TG: variants seen among roughly 807,000 people sequenced by gnomAD.
The protein encoded by TG is thyroid hormones.
In TG, 270 loss-of-function variants were observed where a neutral mutation model predicts 324.7. The observed-to-expected ratio is 0.83, with a 90% CI of 0.75 to 0.92. The LOEUF (loss-of-function observed/expected upper bound fraction) is 0.92. TG is among the 40% of genes least tolerant of loss of function. TG has a pLI of 0.00. For missense variants in TG, 3,591 were observed against 3,456.4 expected, an observed-to-expected ratio of 1.04 and a Z score of -0.98; for synonymous variants, 1,401 against 1,327.0, an observed-to-expected ratio of 1.06 and a Z score of -1.21.
intron 33 of TG, 107 bp from the exon 34 acceptor site, chr8:132,972,491 A>G: frequency 7.5e-7 from 1 of 1,332,316 alleles, no homozygotes; most frequent in Admixed American, 1.9e-5. Context: ...GTGTATCCCA[A>G]ATGTCTGCTG....
At chr8:133,021,933 A>G in intron 39 of TG, 58 bp from the exon 40 acceptor site, 1 of 1,610,412 alleles carries the variant, frequency 6.2e-7, no homozygotes, top group Non-Finnish European at 8.5e-7. Flanking sequence ...ATCAGGCTCC[A>G]AGCATGGGAA....
intron 19 of TG, among the ~76,000 whole-genome samples, chr8:132,911,837 G>A (rs1186017310): frequency 1.3e-5 from 2 of 152,214 alleles, no homozygotes; most frequent in African/African-American, 4.8e-5. Context: ...GTGGGCTGGG[G>A]AAGTCTTTAT....
intron 41 of TG, among the ~76,000 whole-genome samples, chr8:133,040,763 G>A (rs1838066861): frequency 6.6e-6 from 1 of 151,912 alleles, no homozygotes. Flanking sequence ...AGGAGGAGGT[G>A]AAAATAGCAC....
intron 16 of TG, among the ~76,000 whole-genome samples, chr8:132,903,390 A>G (rs1818207856): frequency 6.6e-6 from 1 of 152,078 alleles, no homozygotes; most frequent in African/African-American, 2.4e-5. Flanking sequence ...CTGGCAGGCC[A>G]CTCCTGCCCC....
Position 132,967,808 on chromosome 8 carries a change from C to T in TG, c.5701C>T (p.His1901Tyr). 1.2e-6 allele frequency: 2 copies of T among 1,613,820 alleles called. No individual in the cohort carries two copies. Among genetic ancestry groups the T allele is most frequent in the Non-Finnish European group, 8.5e-7 (1 of 1,179,824 alleles). The change falls in exon 31 of 48, where the codon CAC becomes TAC. Residue 1901 changes from histidine (H) to tyrosine (Y), a missense_variant. By Grantham distance (83) the His-to-Tyr change is moderately conservative (BLOSUM62 2). Coordinates refer to ENST00000220616, the MANE Select transcript of TG (RefSeq NM_003235.5). ...CTTGCCTGTAGGTTGTGTGCAGGAG[C>T]ACTCTTTCTGTCAGCTCGCAGAGAT... ...LWCLSRCVQE[H>Y]SFCQLAEITE...
At chr8:132,999,563 C>G (rs1038721975) in intron 35 of TG, among the ~76,000 whole-genome samples, 1 of 152,164 alleles carries the variant, frequency 6.6e-6, no homozygotes, top group East Asian at 1.9e-4. Flanking sequence ...GGTTCATGCT[C>G]TCTCTCAGAT....
Position 132,886,946 on chromosome 8 carries a change from G to C in TG, c.1574G>C (p.Gly525Ala). The change falls in exon 9 of 48, where the codon GGA becomes GCA. Residue 525 changes from glycine (G) to alanine (A), a missense_variant. By Grantham distance (60) the Gly-to-Ala change is moderately conservative (BLOSUM62 0). Transcript: ENST00000220616. Reference sequence around the variant, plus strand: ...GATTTGGCCAAGCCACTCTCTGTGGGATTAGATTCAAATTCTTCCACAGGA... The same window carrying C: ...GATTTGGCCAAGCCACTCTCTGTGGCATTAGATTCAAATTCTTCCACAGGA... Reference protein sequence around the residue: ...QEDLAKPLSVGLDSNSSTGTP... With the variant: ...QEDLAKPLSVALDSNSSTGTP... 6.2e-7 allele frequency: 1 copy of C among 1,614,162 alleles called. No homozygotes were observed. The highest frequency in any genetic ancestry group is 8.5e-7 in the Non-Finnish European group (1 of 1,180,034).
At chr8:133,120,001 A>AAGGT in intron 45 of TG, among the ~76,000 whole-genome samples, 1 of 152,320 alleles carries the variant, frequency 6.6e-6, no homozygotes, top group East Asian at 1.9e-4. Context: ...GGTGGAGATG[A>AAGGT]AGGTGCCCTC....
chr8:132,988,064 GCACACACACACACACACACA>G (rs35161639), intron 35 of TG, among the ~76,000 whole-genome samples: 1 of 134,544 alleles, frequency 7.4e-6, no homozygotes, highest in South Asian at 2.6e-4. Flanking sequence ...ACATACACAT[GCACACACACACACACACACA>G]CACACACACA....
intron 31 of TG, among the ~76,000 whole-genome samples, chr8:132,968,943 C>T (rs1356634300): frequency 6.6e-6 from 1 of 152,190 alleles, no homozygotes; most frequent in Non-Finnish European, 1.5e-5. Context: ...CCAAGAGATC[C>T]TCTCTTCTGT....
chr8:133,066,217 T>C (rs1843012184), intron 41 of TG, among the ~76,000 whole-genome samples: 1 of 150,784 alleles, frequency 6.6e-6, no homozygotes, highest in Non-Finnish European at 1.5e-5. Flanking sequence ...TCCCAGCTAC[T>C]TGGGAGGCTG....
At chr8:132,972,848 A>G in intron 34 of TG, 107 bp downstream of exon 34, 1 of 1,429,676 alleles carries the variant, frequency 7.0e-7, no homozygotes, top group Non-Finnish European at 9.8e-7. Context: ...ATGAAGACTC[A>G]TTGGGTTCAA....
chr8:132,896,938 A>G (rs1354615037), intron 11 of TG, among the ~76,000 whole-genome samples: 1 of 152,168 alleles, frequency 6.6e-6, no homozygotes, highest in African/African-American at 2.4e-5. Flanking sequence ...ATGCAGTTTC[A>G]TTAGTGGGGT....
At chr8:133,071,760 TTC>T (rs565713958) in intron 41 of TG, among the ~76,000 whole-genome samples, 10 of 152,160 alleles carry the variant, frequency 6.6e-5, no homozygotes, top group Non-Finnish European at 8.8e-5. Context: ...GTCCCCTCTC[TTC>T]TCTCTCCCTG....
chr8:133,059,759 T>C (rs1161353815), intron 41 of TG, among the ~76,000 whole-genome samples: 2 of 152,146 alleles, frequency 1.3e-5, no homozygotes, highest in African/African-American at 4.8e-5. Flanking sequence ...TGGGCCTGGA[T>C]TGGAAATTTA....
intron 26 of TG, among the ~76,000 whole-genome samples, chr8:132,946,938 A>G (rs1825394484): frequency 6.6e-6 from 1 of 152,138 alleles, no homozygotes; most frequent in Non-Finnish European, 1.5e-5. Context: ...AAAAGGAAAA[A>G]CGCACTCTGC....
chr8:132,972,442 T>G lies in TG; in HGVS notation c.6056-156T>G, dbSNP rs117318523. ...AGGCTCCTTGAGTTCAGGTACCAGG[T>G]TTTTCAGCAGTGGCTGAGATAGTAT... On this transcript the variant is annotated intron_variant, in intron 33 of 47. Coordinates refer to ENST00000220616, the MANE Select transcript of TG (RefSeq NM_003235.5). 4.3e-4 allele frequency: 369 copies of G among 848,450 alleles called. 4 individuals carry two copies. In the East Asian group the frequency reaches 9.2e-3, roughly 21 times the overall value. The allele number at this position is 848,450 out of a possible 1,614,324, so 52.6% of individuals were successfully genotyped here. A position where few individuals can be genotyped will look rare whatever the true frequency, so the allele number is the denominator to read the frequency against.
At chr8:133,124,633 G>T (rs927714952) in intron 45 of TG, among the ~76,000 whole-genome samples, 1 of 152,106 alleles carries the variant, frequency 6.6e-6, no homozygotes, top group Non-Finnish European at 1.5e-5. Context: ...TAAACATCTG[G>T]CTCATTGCAG....
chr8:133,027,093 T>C (rs988878275), intron 40 of TG, among the ~76,000 whole-genome samples: 2 of 152,190 alleles, frequency 1.3e-5, no homozygotes, highest in Non-Finnish European at 2.9e-5. Flanking sequence ...TGTGGTTCCA[T>C]GGCCACTACA....
Sources: allele counts gnomAD v4.1 joint callset (sites outside exome capture counted in the v4.1 genomes callset), GRCh38; gene constraint gnomAD v4.1.1; transcripts MANE v1.5; gene names NCBI Gene and HGNC (gene_info 2026-07-23, HGNC 2026-07-21).